Variants in ADAMTS10 observed in about 807,000 individuals in gnomAD.
The protein encoded by ADAMTS10 is A disintegrin and metalloproteinase with thrombospondin motifs 10.
In ADAMTS10, 48 loss-of-function variants were observed where a neutral mutation model predicts 135.9. The ratio of observed to expected loss-of-function variants is 0.35; its 90% CI spans 0.28 to 0.45. The LOEUF (loss-of-function observed/expected upper bound fraction) is 0.45. Among genes scored for constraint, ADAMTS10 ranks in the 20% least tolerant of loss-of-function variants. ADAMTS10 has a pLI of 1.00. For missense variants in ADAMTS10, 1,131 were observed against 1,565.2 expected, an observed-to-expected ratio of 0.72 and a Z score of 4.68; for synonymous variants, 621 against 647.5, an observed-to-expected ratio of 0.96 and a Z score of 0.62.
intron 2 of ADAMTS10, among the ~76,000 whole-genome samples, chr19:8,607,581 C>T (rs2042734411): frequency 6.6e-6 from 1 of 152,110 alleles, no homozygotes; most frequent in South Asian, 2.1e-4. Flanking sequence ...TCTTTGCAGC[C>T]CAGCCAAGTC....
intron 15 of ADAMTS10, among the ~76,000 whole-genome samples, chr19:8,590,419 G>A (rs2042507580): frequency 6.6e-6 from 1 of 151,988 alleles, no homozygotes; most frequent in Admixed American, 6.6e-5. Context: ...GATTACAGGT[G>A]CATGCCACTA....
chr19:8,598,863 C>CCATGCTCTGCTAATT (rs2042633997), intron 6 of ADAMTS10, among the ~76,000 whole-genome samples: 1 of 152,090 alleles, frequency 6.6e-6, no homozygotes, highest in African/African-American at 2.4e-5. Context: ...GCGTGAGCCA[C>CCATGCTCTGCTAATT]TGCACCGGGC....
At chr19:8,585,343 C>T in intron 23 of ADAMTS10, 35 bp from the exon 24 acceptor site, 1 of 1,533,848 alleles carries the variant, frequency 6.5e-7, no homozygotes, top group Non-Finnish European at 8.7e-7. Flanking sequence ...GCTCAGGGTG[C>T]TGCCCCAGTG....
chr19:8,589,365 G>A lies in ADAMTS10; in HGVS notation c.2035C>T (p.His679Tyr). Residue 679 changes from histidine (H) to tyrosine (Y), a missense_variant and splice_region_variant, in exon 18 of 26, where the codon CAC (histidine) becomes TAC (tyrosine). Around this residue, in one of 3 missense-constraint regions of ADAMTS10, gnomAD observed 745 missense variants for 1,056.3 expected, o/e 0.71. Transcript: ENST00000597188. ...VDICVSGECK[H>Y]VGCDRVLGSD... Reference sequence around the variant, plus strand: ...CCCAGGACTCGGTCGCAGCCCACGTGCTGCGTGGAGAAGGCGTGAGTGAGG... The same window carrying A: ...CCCAGGACTCGGTCGCAGCCCACGTACTGCGTGGAGAAGGCGTGAGTGAGG... 1.2e-6 allele frequency: 2 copies of A among 1,612,144 alleles called. No individual in the cohort carries two copies. Among genetic ancestry groups the A allele is most frequent in the Non-Finnish European group, 1.7e-6 (2 of 1,179,912 alleles).
At chr19:8,583,958 A>G (rs1346643792) in intron 25 of ADAMTS10, among the ~76,000 whole-genome samples, 16 of 152,178 alleles carry the variant, frequency 1.1e-4, no homozygotes, top group African/African-American at 3.9e-4. Context: ...GGAGTTTGAG[A>G]CCAGCCTGGC....
Position 8,603,911 on chromosome 19 carries a change from G to C in ADAMTS10, c.436-27C>G, listed in dbSNP as rs367778748. On this transcript the variant is annotated intron_variant, in intron 4 of 25. Coordinates refer to ENST00000597188, the MANE Select transcript of ADAMTS10 (RefSeq NM_030957.4). ...TGGGTTTTGAGAAGTGGGATAGAAA[G>C]CTCTCAGGATCAGGTTCTGGAGCTT... 22 of 1,587,430 alleles carry C rather than the reference G, an allele frequency of 1.4e-5. No homozygotes were observed. In the African/African-American group the frequency reaches 2.7e-4, roughly 19 times the overall value.
chr19:8,597,336 G>A lies in ADAMTS10; in HGVS notation c.811-19C>T, dbSNP rs993147072. On this transcript the variant is annotated intron_variant, in intron 6 of 25. Coordinates refer to ENST00000597188, the MANE Select transcript of ADAMTS10 (RefSeq NM_030957.4). ...TGGCAACCTGACCTCCAAGAAACAA[G>A]AGAGACCGAGTCTTAAGAGGAGCCC... The A allele has an allele frequency of 6.2e-7, 1 of 1,611,026 alleles. No homozygotes were observed. The highest frequency in any genetic ancestry group is 1.3e-5 in the African/African-American group (1 of 74,870).
chr19:8,601,219 C>T lies in ADAMTS10; in HGVS notation c.593-74G>A. 2 of 1,495,070 alleles carry T rather than the reference C, an allele frequency of 1.3e-6. No homozygotes were observed. Among genetic ancestry groups the T allele is most frequent in the Non-Finnish European group, 1.8e-6 (2 of 1,095,846 alleles). The allele number at this position is 1,495,070 out of a possible 1,614,324, so 92.6% of individuals were successfully genotyped here. On this transcript the variant is annotated intron_variant, in intron 5 of 25. Coordinates refer to ENST00000597188, the MANE Select transcript of ADAMTS10 (RefSeq NM_030957.4). This position sits in a 1 kb window ranked among gnomAD's most constrained non-coding sequence, Gnocchi z 4.6. ...AGAGCTGCCTGACAACTGTCTTGTC[C>T]AACCTCTGACTGGCTACCTCTCTAC...
chr19:8,581,089 C>A, intron 25 of ADAMTS10, 87 bp from the exon 26 acceptor site: 1 of 687,632 alleles, frequency 1.5e-6, no homozygotes, highest in Non-Finnish European at 2.4e-6. Context: ...GCTTCCTGGC[C>A]AGTGACTTTC....
intron 12 of ADAMTS10, among the ~76,000 whole-genome samples, chr19:8,595,074 C>A (rs1407910420): frequency 3.3e-5 from 5 of 152,128 alleles, no homozygotes; most frequent in African/African-American, 9.7e-5. Flanking sequence ...AACCTGGGCC[C>A]CTAGGGCTGA....
At chr19:8,610,257 GAC>G (rs1275980251) in intron 1 of ADAMTS10, among the ~76,000 whole-genome samples, 8 of 151,178 alleles carry the variant, frequency 5.3e-5, no homozygotes, top group African/African-American at 1.5e-4. Context: ...CATGCTTGGG[GAC>G]ACACACACAA....
chr19:8,585,057 G>GC lies in ADAMTS10; in HGVS notation c.3043-4dup. 1.3e-6 allele frequency: 2 copies of GC among 1,514,174 alleles called. No individual in the cohort carries two copies. The highest frequency in any genetic ancestry group is 1.8e-6 in the Non-Finnish European group (2 of 1,133,958). 93.8% of individuals were successfully genotyped at this position (1,514,174 alleles called of 1,614,324 possible). A position where few individuals can be genotyped will look rare whatever the true frequency, so the allele number is the denominator to read the frequency against. ...CCGACGCCGCACTGTGCAGAGCACT[G>GC]CGAGGGGGCACCACTCAGTTGCTGC... On this transcript the variant is annotated splice_polypyrimidine_tract_variant and splice_region_variant and intron_variant, in intron 24 of 25. Transcript: ENST00000597188.
intron 18 of ADAMTS10, 96 bp downstream of exon 18, chr19:8,589,146 A>C: frequency 6.3e-7 from 1 of 1,588,282 alleles, no homozygotes; most frequent in Non-Finnish European, 8.5e-7. Context: ...CTGGGGTCTG[A>C]GGAGTTAGTG....
intron 6 of ADAMTS10, among the ~76,000 whole-genome samples, chr19:8,599,623 G>A (rs1373780803): frequency 6.6e-6 from 1 of 151,948 alleles, no homozygotes; most frequent in African/African-American, 2.4e-5. Context: ...GAGCCACCGT[G>A]CCCAGCCTAC....
chr19:8,590,056 G>A, intron 15 of ADAMTS10, 65 bp from the exon 16 acceptor site: 1 of 1,180,436 alleles, frequency 8.5e-7, no homozygotes, highest in South Asian at 1.2e-5. Flanking sequence ...GAAAAGGGGT[G>A]CTCAGAGAAA....
At position 8,605,381 on chromosome 19, in the gene ADAMTS10, T is replaced by A. The variant is rs373367345; in HGVS notation, c.89-23A>T. 3.8e-6 allele frequency: 6 copies of A among 1,571,424 alleles called. No homozygotes were observed. The African/African-American group carries it at 8.1e-5, about 21-fold the overall frequency. On this transcript the variant is annotated intron_variant, in intron 3 of 25. Transcript: ENST00000597188. This position sits in a 1 kb window ranked among gnomAD's most constrained non-coding sequence, Gnocchi z 7.7. ...CATCTGTGGGTGAGGGTCAGAGGCC[T>A]GGGGTGGGCCCTGGTCTTATTGGAC...
intron 19 of ADAMTS10, 24 bp downstream of exon 19, chr19:8,586,792 A>C: frequency 6.2e-7 from 1 of 1,613,926 alleles, no homozygotes; most frequent in African/African-American, 1.3e-5. Flanking sequence ...CCTAATCCTC[A>C]TCCCCTCCCC....
rs1285176283 is a variant in ADAMTS10 at position 8,605,138 on chromosome 19, G to A, written c.309C>T (p.Ser103=). 5.6e-6 allele frequency: 9 copies of A among 1,613,668 alleles called. No homozygotes were observed. Among genetic ancestry groups the A allele is most frequent in the African/African-American group, 4.0e-5 (3 of 74,920 alleles). The change falls in exon 4 of 26, where the codon TCC becomes TCT. Residue 103 remains serine (S), a synonymous_variant. Transcript: ENST00000597188. This position sits in a 1 kb window ranked among gnomAD's most constrained non-coding sequence, Gnocchi z 7.7. ...RSSRLLAGHV[S]VEYWTREGLA... is the part of the protein sequence containing the mutation. ...GGCCCTCCCGTGTCCAGTACTCCAC[G>A]GAGACGTGCCCTGCCAGTAGACGGG... is the stretch of plus-strand genomic sequence containing the variant.
intron 13 of ADAMTS10, 34 bp downstream of exon 13, chr19:8,592,729 C>T: frequency 2.5e-6 from 4 of 1,585,224 alleles, no homozygotes; most frequent in Middle Eastern, 1.7e-4. Flanking sequence ...GCTCAGGGGG[C>T]GTGGCCCAGT....
Sources: gnomAD v4.1 joint callset for allele counts (sites outside exome capture counted in the v4.1 genomes callset) on GRCh38, gnomAD v4.1.1 for gene constraint, gnomAD v4.1.1 regional missense constraint, Gnocchi (gnomAD v3.1) non-coding constraint, MANE v1.5 for transcripts, NCBI Gene and HGNC (gene_info 2026-07-23, HGNC 2026-07-21) for gene names.